SELENON: variants seen among roughly 807,000 people sequenced by gnomAD.
The protein encoded by SELENON is selenoprotein N.
A neutral mutation model predicts 59.5 loss-of-function variants in SELENON; 44 were observed. The observed-to-expected ratio is 0.74, with a 90% CI of 0.58 to 0.95. SELENON has a LOEUF of 0.95. Among genes scored for constraint, SELENON ranks in the 40% least tolerant of loss-of-function variants. SELENON has a pLI of 0.00. For synonymous variants in SELENON, 320 were observed against 305.6 expected, an observed-to-expected ratio of 1.05 and a Z score of -0.49; for missense variants, 674 against 721.4, an observed-to-expected ratio of 0.93 and a Z score of 0.75.
chr1:25,801,727 G>C (rs1213137763), intron 2 of SELENON, among the ~76,000 whole-genome samples: 4 of 152,086 alleles, frequency 2.6e-5, no homozygotes, highest in Admixed American at 6.5e-5. Flanking sequence ...CTCCGTGCCA[G>C]GTATTTAAGT....
rs2048016369 is a variant in SELENON, at chr1:25,816,955, C to G, written c.*1237C>G. On this transcript the variant is annotated 3_prime_UTR_variant, in exon 13 of 13. Coordinates refer to ENST00000361547, the MANE Select transcript of SELENON (RefSeq NM_020451.3). Reference sequence around the variant, plus strand: ...AACAGTCCTCAGAGGATCCATGATCCCCAGCACTGTCCCATCCTCCACAAA... The same window carrying G: ...AACAGTCCTCAGAGGATCCATGATCGCCAGCACTGTCCCATCCTCCACAAA... 6.6e-6 allele frequency: 1 copy of G among 152,222 alleles called. No homozygotes were observed. The highest frequency in any genetic ancestry group is 1.5e-5 in the Non-Finnish European group (1 of 68,092). The allele number at this position is 152,222 out of a possible 1,614,324, so 9.4% of individuals were successfully genotyped here.
rs1258979379 is a variant in SELENON, at chr1:25,811,860, C to T, written c.1262C>T (p.Ala421Val). The change falls in exon 9 of 13, where the codon GCC (alanine) becomes GTC (valine). Residue 421 changes from alanine to valine, a missense_variant. Ala to Val is a moderately conservative substitution (Grantham distance 64, BLOSUM62 0). Coordinates refer to ENST00000361547, the MANE Select transcript of SELENON (RefSeq NM_020451.3). Reference sequence around the variant, plus strand: ...GAGGCTGCCCGGCGCCTGGAGGTGGCCATGTACCCCTTCAAGAAGGTGAGG... The same window carrying T: ...GAGGCTGCCCGGCGCCTGGAGGTGGTCATGTACCCCTTCAAGAAGGTGAGG... 1.3e-6 allele frequency: 2 copies of T among 1,568,860 alleles called. No homozygotes were observed. Among genetic ancestry groups the T allele is most frequent in the East Asian group, 4.7e-5 (2 of 42,700 alleles).
intron 9 of SELENON, among the ~76,000 whole-genome samples, 189 bp from the exon 9 acceptor site, chr1:25,812,494 CACAA>C (rs1039560570): frequency 7.9e-5 from 12 of 151,474 alleles, no homozygotes; most frequent in Non-Finnish European, 1.0e-4. Flanking sequence ...TACAAACATA[CACAA>C]ACATATATAC....
In SELENON at chr1:25,809,185, G is replaced by T. The variant is rs769256126; in HGVS notation, c.872+35G>T. 4.3e-6 allele frequency: 7 copies of T among 1,613,036 alleles called. No homozygotes were observed. The East Asian group carries it at 1.6e-4, about 36-fold the overall frequency. On this transcript the variant is annotated intron_variant, in intron 6 of 12. Transcript: ENST00000361547. ...CCACACTGGCTGGCCTGGAGCACCG[G>T]GGAGGCATGACGGTACAGCGCCCAG...
chr1:25,803,700 T>G (rs964134784), intron 3 of SELENON, among the ~76,000 whole-genome samples: 2 of 46,044 alleles, frequency 4.3e-5, no homozygotes, highest in East Asian at 8.1e-3. Flanking sequence ...TTGGTTTTTG[T>G]TTTTTTTGTT....
chr1:25,811,746 G>A lies in SELENON; in HGVS notation c.1148G>A (p.Gly383Asp). Reference sequence around the variant, plus strand: ...CCCTCCGTGATCCTGGATGAGGATGGCAGCATGATCGACAGCCACCTGCCT... The same window carrying A: ...CCCTCCGTGATCCTGGATGAGGATGACAGCATGATCGACAGCCACCTGCCT... The change falls in exon 9 of 13, where the codon GGC becomes GAC. Residue 383 changes from glycine (G) to aspartate (D), a missense_variant. Physicochemically the swap from Gly to Asp is moderately conservative, Grantham distance 94 (BLOSUM62 -1). Coordinates refer to ENST00000361547, the MANE Select transcript of SELENON (RefSeq NM_020451.3). The A allele has an allele frequency of 6.2e-7, 1 of 1,601,580 alleles. No homozygotes were observed. The highest frequency in any genetic ancestry group is 1.3e-5 in the African/African-American group (1 of 74,970).
In SELENON at chr1:25,816,793, G is replaced by C. The variant is rs999586620; in HGVS notation, c.*1075G>C. The C allele has an allele frequency of 1.3e-5, 2 of 152,688 alleles. No homozygotes were observed. The highest frequency in any genetic ancestry group is 2.9e-5 in the Non-Finnish European group (2 of 68,084). 9.5% of individuals were successfully genotyped at this position (152,688 alleles called of 1,614,324 possible). A position where few individuals can be genotyped will look rare whatever the true frequency, so the allele number is the denominator to read the frequency against. ...TATAACCCCAGTGCTGAGGAGAAAG[G>C]AGGGGCAGTGGCTTCCCCGGCAGCA... On this transcript the variant is annotated 3_prime_UTR_variant, in exon 13 of 13. Coordinates refer to ENST00000361547, the MANE Select transcript of SELENON (RefSeq NM_020451.3).
At chr1:25,813,704 T>C (rs568545915) in intron 10 of SELENON, 177 bp from the exon 10 acceptor site, 5 of 660,778 alleles carry the variant, frequency 7.6e-6, no homozygotes, top group East Asian at 2.8e-5. Flanking sequence ...GATGCTGGTA[T>C]ATTATTGATG....
At position 25,811,612 on chromosome 1, in the gene SELENON, T is replaced by G. The variant is rs867697436; in HGVS notation, c.1092+77T>G. ...CCTCCCTCTGCAATGAGTGGAGCAT[T>G]TTGGAGGGTCTCTAGGGGAGCCCCT... is the stretch of plus-strand genomic sequence containing the variant. On this transcript the variant is annotated intron_variant, in intron 8 of 12. Transcript: ENST00000361547. The G allele has an allele frequency of 6.9e-6, 11 of 1,602,698 alleles. No homozygotes were observed. In the Middle Eastern group the frequency reaches 1.8e-3, roughly 266 times the overall value.
At position 25,811,716 on chromosome 1, in the gene SELENON, C is replaced by G. The variant is rs769769668; in HGVS notation, c.1118C>G (p.Ser373Cys). 2 of 1,608,004 alleles carry G rather than the reference C, an allele frequency of 1.2e-6. No homozygotes were observed. The highest frequency in any genetic ancestry group is 3.4e-5 in the Admixed American group (2 of 58,286). The change falls in exon 9 of 13, where the codon TCT becomes TGT. Residue 373 changes from serine (S) to cysteine (C), a missense_variant. Coordinates refer to ENST00000361547, the MANE Select transcript of SELENON (RefSeq NM_020451.3). ...ATGGAGCTGGAGGCCACGGGCCCCT[C>G]TGTGCCCTCCGTGATCCTGGATGAG... is the stretch of plus-strand genomic sequence containing the variant.
At chr1:25,813,684 C>T (rs2047985953) in intron 10 of SELENON, 197 bp from the exon 10 acceptor site, 1 of 646,070 alleles carries the variant, frequency 1.5e-6, no homozygotes, top group African/African-American at 1.8e-5. Flanking sequence ...TAACCCTAAT[C>T]TCAGCCCAGG....
rs970231669 is a variant in SELENON at position 25,807,372 on chromosome 1, G to A, written c.538-1208G>A. 2.0e-5 allele frequency among the ~76,000 whole-genome samples: 3 copies of A among 152,212 alleles called. No homozygotes were observed. The highest frequency in any genetic ancestry group is 4.4e-5 in the Non-Finnish European group (3 of 68,038). ...GAATAAACGTGTTCTTCTCAGCCAA[G>A]GAGACAGTGCAGCAGATAGGCAGGA... On this transcript the variant is annotated intron_variant, in intron 4 of 12. Transcript: ENST00000361547. This position sits in a 1 kb window ranked among gnomAD's most constrained non-coding sequence, Gnocchi z 4.5.
rs1208775293 is a variant in SELENON at position 25,809,046 on chromosome 1, G to A, written c.768G>A (p.Leu256=). The change falls in exon 6 of 13, where the codon CTG becomes CTA. Residue 256 remains leucine, a synonymous_variant. Transcript: ENST00000361547. ...CCCAGGTCATCATCCACCGGCTCCT[G>A]AGCATGTTCCACCCTCGGCCCTTTG... 6.2e-7 allele frequency: 1 copy of A among 1,613,654 alleles called. No homozygotes were observed. The highest frequency in any genetic ancestry group is 1.7e-5 in the Admixed American group (1 of 60,014).
At chr1:25,800,944 A>G in intron 1 of SELENON, 99 bp from the exon 2 acceptor site, 3 of 949,440 alleles carry the variant, frequency 3.2e-6, no homozygotes, top group Non-Finnish European at 5.2e-6. Flanking sequence ...GCTCAGGAAG[A>G]TGGTGGGAGA....
At position 25,815,627 on chromosome 1, in the gene SELENON, T is replaced by C. The variant is rs1174879720; in HGVS notation, c.1682T>C (p.Phe561Ser). 6.2e-7 allele frequency: 1 copy of C among 1,614,172 alleles called. No individual in the cohort carries two copies. Among genetic ancestry groups the C allele is most frequent in the Admixed American group, 1.7e-5 (1 of 60,022 alleles). ...GAAATCGAGAGCAATCTCTTCAGCT[T>C]CTCATCCACCTTTGAAGACCCGTCC... Residue 561 changes from phenylalanine to serine, a missense_variant, in exon 13 of 13, where the codon TTC becomes TCC. Physicochemically the swap from Phe to Ser is radical, Grantham distance 155 (BLOSUM62 -2). Transcript: ENST00000361547.
Position 25,816,204 on chromosome 1 carries a change from T to C in SELENON, c.*486T>C, listed in dbSNP as rs2048009399. ...TCCCCTGTTTATCTAGAGCCTTCGT[T>C]CCTGGCCATACCCCGGACTGCCCTC... On this transcript the variant is annotated 3_prime_UTR_variant, in exon 13 of 13. Transcript: ENST00000361547. 1 of 160,512 alleles carries C rather than the reference T, an allele frequency of 6.2e-6. No individual in the cohort carries two copies. The highest frequency in any genetic ancestry group is 1.4e-5 in the Non-Finnish European group (1 of 72,722). 9.9% of individuals were successfully genotyped at this position (160,512 alleles called of 1,614,324 possible). A position where few individuals can be genotyped will look rare whatever the true frequency, so the allele number is the denominator to read the frequency against.
rs556156297 is a variant in SELENON at position 25,805,123 on chromosome 1, C to T, written c.404-19C>T. ...CTGTAGCATAAGGGCAGTGCCTCTC[C>T]GATGTCTGTGTCTCATAGGGTCAAC... On this transcript the variant is annotated intron_variant, in intron 3 of 12. Coordinates refer to ENST00000361547, the MANE Select transcript of SELENON (RefSeq NM_020451.3). 1.5e-5 allele frequency: 24 copies of T among 1,612,554 alleles called. No individual in the cohort carries two copies. The highest frequency in any genetic ancestry group is 4.5e-5 in the East Asian group (2 of 44,870).
Position 25,815,599 on chromosome 1 carries a change from G to A in SELENON, c.1654G>A (p.Glu552Lys), listed in dbSNP as rs200128474. Residue 552 changes from glutamate to lysine, a missense_variant, in exon 13 of 13, where the codon GAG becomes AAG. By Grantham distance (56) the Glu-to-Lys change is moderately conservative (BLOSUM62 1). Coordinates refer to ENST00000361547, the MANE Select transcript of SELENON (RefSeq NM_020451.3). ...CTTGGACATCACCTCCGTGAAGCCC[G>A]AGGAAATCGAGAGCAATCTCTTCAG... is the stretch of plus-strand genomic sequence containing the variant. The A allele has an allele frequency of 3.4e-4, 555 of 1,614,184 alleles. 4 individuals carry two copies. In the Middle Eastern group the frequency reaches 0.011, roughly 32 times the overall value.
At chr1:25,809,607 T>G in intron 6 of SELENON, 76 bp from the exon 6 acceptor site, 6 of 1,600,730 alleles carry the variant, frequency 3.7e-6, no homozygotes, top group Non-Finnish European at 5.1e-6. Context: ...CTCTCCCTGA[T>G]GATTCTGGCC....
Sources: gnomAD v4.1 joint callset for allele counts (sites outside exome capture counted in the v4.1 genomes callset) on GRCh38, gnomAD v4.1.1 for gene constraint, Gnocchi (gnomAD v3.1) non-coding constraint, MANE v1.5 for transcripts, NCBI Gene and HGNC (gene_info 2026-07-23, HGNC 2026-07-21) for gene names.